Variants in POU2F1 observed in about 807,000 individuals in gnomAD.
The protein encoded by POU2F1 is POU class 2 homeobox 1.
In POU2F1, 16 loss-of-function variants were observed where a neutral mutation model predicts 84.9. That is an observed-to-expected ratio of 0.19 (90% CI 0.13 to 0.29). POU2F1 has a LOEUF of 0.29. POU2F1 is among the 10% of genes least tolerant of loss of function. The pLI is 1.00. For synonymous variants in POU2F1, 368 were observed against 368.3 expected (o/e 1.00, Z 0.01); for missense variants, 738 against 942.6 (o/e 0.78, Z 2.84).
At position 167,416,107 on chromosome 1, in the gene POU2F1, GAAAC is replaced by G. The variant is rs781363154; in HGVS notation, c.*301_*304del. The G allele has an allele frequency of 3.2e-4, 112 of 349,958 alleles. No homozygotes were observed. Among genetic ancestry groups the G allele is most frequent in the Middle Eastern group, 6.0e-4 (1 of 1,680 alleles). The allele number at this position is 349,958 out of a possible 1,614,324, so 21.7% of individuals were successfully genotyped here. ...AAAATTAAAAAAAAAAAAAAAAAAA[GAAAC>G]AAAAAAATCAAAAACAAACAAAAAT... On this transcript the variant is annotated 3_prime_UTR_variant, in exon 16 of 16. Coordinates refer to ENST00000367866, the MANE Select transcript of POU2F1 (RefSeq NM_002697.4).
intron 2 of POU2F1, among the ~76,000 whole-genome samples, chr1:167,363,253 A>G (rs1571372542): frequency 1.3e-5 from 2 of 151,784 alleles, no homozygotes; most frequent in East Asian, 3.9e-4. Context: ...GTTCTGGAAG[A>G]CCTCCTATTA....
At position 167,380,575 on chromosome 1, in the gene POU2F1, C is replaced by T. The variant is rs556438946; in HGVS notation, c.719-3282C>T. 2.0e-5 allele frequency: 3 copies of T among 152,272 alleles called. No individual in the cohort carries two copies. In the South Asian group the frequency reaches 6.2e-4, roughly 32 times the overall value. The allele number at this position is 152,272 out of a possible 1,614,324, so 9.4% of individuals were successfully genotyped here. On this transcript the variant is annotated intron_variant, in intron 7 of 15. Transcript: ENST00000367866. ...GAGGATCAGCGTAGTGGAAATACGT[C>T]TATAAACATTTCTAAGAATTGAATT...
chr1:167,347,881 C>G (rs1373663762), intron 2 of POU2F1, among the ~76,000 whole-genome samples: 1 of 152,144 alleles, frequency 6.6e-6, no homozygotes, highest in Non-Finnish European at 1.5e-5. Flanking sequence ...CCTTTTATGG[C>G]TGAATGGTAT....
intron 2 of POU2F1, among the ~76,000 whole-genome samples, chr1:167,340,299 C>T (rs941061947): frequency 6.6e-6 from 1 of 152,002 alleles, no homozygotes; most frequent in African/African-American, 2.4e-5. Context: ...AGGCTGGTCT[C>T]GAACTCCTGA....
At chr1:167,396,676 C>T (rs1018536879) in intron 10 of POU2F1, 2 of 414,842 alleles carry the variant, frequency 4.8e-6, no homozygotes, top group African/African-American at 2.3e-5. Flanking sequence ...GTATTTGAGC[C>T]AGGATTAGGA....
At chr1:167,317,297 G>C (rs1655974902) in intron 1 of POU2F1, among the ~76,000 whole-genome samples, 1 of 152,188 alleles carries the variant, frequency 6.6e-6, no homozygotes. Flanking sequence ...TTCACAGTTT[G>C]TCATTACACC....
chr1:167,282,435 C>T (rs574877014), intron 1 of POU2F1, among the ~76,000 whole-genome samples: 18 of 152,300 alleles, frequency 1.2e-4, no homozygotes, highest in African/African-American at 4.1e-4. Context: ...TGACCTACCG[C>T]GCCTGGCCAA....
intron 2 of POU2F1, among the ~76,000 whole-genome samples, chr1:167,358,461 G>T (rs145734806): frequency 3.6e-4 from 55 of 151,988 alleles, no homozygotes; most frequent in Non-Finnish European, 6.0e-4. Context: ...GTTTGTGGAG[G>T]ATTAGAATTA....
chr1:167,240,702 T>C (rs941890897), intron 1 of POU2F1, among the ~76,000 whole-genome samples: 1 of 152,226 alleles, frequency 6.6e-6, no homozygotes, highest in Non-Finnish European at 1.5e-5. Context: ...ATTTAATATA[T>C]GCCTTTGGTG....
At chr1:167,230,103 C>A (rs1648944463) in intron 1 of POU2F1, among the ~76,000 whole-genome samples, 1 of 152,094 alleles carries the variant, frequency 6.6e-6, no homozygotes, top group Non-Finnish European at 1.5e-5. Flanking sequence ...ATAATTTATC[C>A]TGAGACTTAC....
intron 15 of POU2F1, chr1:167,414,540 G>A (rs1650182286): frequency 1.0e-6 from 1 of 985,308 alleles, no homozygotes; most frequent in South Asian, 4.7e-5. Context: ...TATGGCTAGA[G>A]AGATTTAGGA....
intron 1 of POU2F1, among the ~76,000 whole-genome samples, chr1:167,310,730 G>A (rs768336300): frequency 1.3e-5 from 2 of 152,192 alleles, no homozygotes; most frequent in African/African-American, 4.8e-5. Flanking sequence ...AAATGCTTCA[G>A]TGAGTAATTA....
chr1:167,227,579 A>G (rs1490595770), intron 1 of POU2F1, among the ~76,000 whole-genome samples: 1 of 152,198 alleles, frequency 6.6e-6, no homozygotes, highest in Non-Finnish European at 1.5e-5. Context: ...TGAAAAATAC[A>G]GCCTTTTTTG....
In POU2F1 at chr1:167,421,209, T is replaced by C. The variant is rs1159476718; in HGVS notation, c.*5399T>C. On this transcript the variant is annotated 3_prime_UTR_variant, in exon 16 of 16. Transcript: ENST00000367866. ...CTTTTGAGAAGGGAAAAATCCTCTT[T>C]GCTATTTCTGTAAGAAGAATAACTG... The C allele has an allele frequency of 6.6e-6, 1 of 152,236 alleles. No individual in the cohort carries two copies. The highest frequency in any genetic ancestry group is 2.4e-5 in the African/African-American group (1 of 41,456). 9.4% of individuals were successfully genotyped at this position (152,236 alleles called of 1,614,324 possible).
At chr1:167,259,465 TC>T (rs1488270606) in intron 1 of POU2F1, among the ~76,000 whole-genome samples, 1 of 152,230 alleles carries the variant, frequency 6.6e-6, no homozygotes, top group Non-Finnish European at 1.5e-5. Flanking sequence ...TAGTCGTTTT[TC>T]TTTTGATGGA....
chr1:167,302,547 G>A (rs1654781378), intron 1 of POU2F1, among the ~76,000 whole-genome samples: 1 of 152,090 alleles, frequency 6.6e-6, no homozygotes, highest in Admixed American at 6.6e-5. Context: ...GTGAGCCACC[G>A]CGCCTGGCCA....
chr1:167,329,149 A>G (rs1282731486), intron 1 of POU2F1: 2 of 1,408,304 alleles, frequency 1.4e-6, no homozygotes, highest in African/African-American at 2.9e-5. Context: ...ACCCTACGCA[A>G]CCCCCCTCTT....
intron 10 of POU2F1, chr1:167,396,862 T>A (rs1037722653): frequency 6.5e-6 from 1 of 154,134 alleles, no homozygotes; most frequent in East Asian, 1.9e-4. Flanking sequence ...TCAGAAAAGT[T>A]GGACTACTAG....
At chr1:167,375,912 G>T (rs1316342011) in intron 6 of POU2F1, 117 bp from the exon 7 acceptor site, 1 of 1,259,686 alleles carries the variant, frequency 7.9e-7, no homozygotes, top group Non-Finnish European at 1.1e-6. Context: ...ATGAAAGCAT[G>T]CGAAGTATTT....
Sources: allele counts gnomAD v4.1 joint callset (sites outside exome capture counted in the v4.1 genomes callset), GRCh38; gene constraint gnomAD v4.1.1; transcripts MANE v1.5; gene names NCBI Gene and HGNC (gene_info 2026-07-23, HGNC 2026-07-21).